The following SLC9A7 variants were observed in gnomAD, a reference collection of about 807,000 sequenced individuals.
SLC9A7 encodes the protein sodium/hydrogen exchanger 7.
A neutral mutation model predicts 52.6 loss-of-function variants in SLC9A7; 19 were observed. The ratio of observed to expected loss-of-function variants is 0.36; its 90% CI spans 0.25 to 0.53. The LOEUF (loss-of-function observed/expected upper bound fraction) is 0.53, where lower values mean the gene tolerates loss of function less well. Among genes scored for constraint, SLC9A7 ranks in the 20% least tolerant of loss-of-function variants. The pLI, the probability that SLC9A7 is intolerant of heterozygous loss-of-function variation, is 0.91. For synonymous variants in SLC9A7, 226 were observed against 252.1 expected, an observed-to-expected ratio of 0.90 and a Z score of 0.98; for missense variants, 455 against 597.9, an observed-to-expected ratio of 0.76 and a Z score of 2.49.
chrX:46,649,341 G>A (rs1054093673), intron 10 of SLC9A7, among the ~76,000 whole-genome samples: 7 of 112,383 alleles, frequency 6.2e-5, no homozygotes, highest in Non-Finnish European at 1.3e-4. Flanking sequence ...CTGCAAATAA[G>A]AGGTGGGGAA....
intron 5 of SLC9A7, among the ~76,000 whole-genome samples, chrX:46,663,475 CT>C (rs1223488583): frequency 9.5e-6 from 1 of 105,384 alleles, no homozygotes; most frequent in African/African-American, 3.5e-5. Flanking sequence ...CCCGTCTCTA[CT>C]AAAAATACAA....
intron 1 of SLC9A7, among the ~76,000 whole-genome samples, chrX:46,743,567 G>A (rs767327517): frequency 9.0e-6 from 1 of 111,275 alleles, no homozygotes; most frequent in Non-Finnish European, 1.9e-5. Context: ...GGAGAACTTA[G>A]GAAGCTCACA....
intron 1 of SLC9A7, among the ~76,000 whole-genome samples, chrX:46,720,226 A>G (rs1944837676): frequency 8.9e-6 from 1 of 111,949 alleles, no homozygotes; most frequent in African/African-American, 3.3e-5. Flanking sequence ...GACTTTCCTC[A>G]GAAACTAACT....
intron 1 of SLC9A7, among the ~76,000 whole-genome samples, chrX:46,690,354 T>C (rs1236965998): frequency 8.9e-6 from 1 of 112,580 alleles, no homozygotes; most frequent in East Asian, 2.8e-4. Context: ...TGAATATCTT[T>C]TTGTGTACTT....
intron 8 of SLC9A7, among the ~76,000 whole-genome samples, chrX:46,651,862 A>AG (rs1447295735): frequency 9.3e-6 from 1 of 107,377 alleles, no homozygotes; most frequent in African/African-American, 3.5e-5. Flanking sequence ...AAGAAAAAAA[A>AG]GAAAAAAAAG....
At chrX:46,674,834 C>T (rs747127957) in intron 3 of SLC9A7, among the ~76,000 whole-genome samples, 1 of 111,449 alleles carries the variant, frequency 9.0e-6, no homozygotes, top group Non-Finnish European at 1.9e-5. Context: ...ATGGCATGCC[C>T]TGGCAAAGTC....
At chrX:46,723,965 C>T (rs1217683544) in intron 1 of SLC9A7, among the ~76,000 whole-genome samples, 6 of 111,606 alleles carry the variant, frequency 5.4e-5, no homozygotes, top group African/African-American at 1.6e-4. Flanking sequence ...TGATGGCGCA[C>T]GCCTGTAGCC....
At chrX:46,616,339 C>CA (rs1293595980) in intron 15 of SLC9A7, among the ~76,000 whole-genome samples, 44 of 98,489 alleles carry the variant, frequency 4.5e-4, no homozygotes, top group African/African-American at 1.4e-3. Context: ...CCCACCCCCC[C>CA]AAAAAAAAAC....
chrX:46,632,614 T>C (rs1288924789), intron 13 of SLC9A7, among the ~76,000 whole-genome samples: 1 of 111,318 alleles, frequency 9.0e-6, no homozygotes, highest in Non-Finnish European at 1.9e-5. Flanking sequence ...GAATCCCCCT[T>C]GCCCCTGATA....
chrX:46,642,604 A>G lies in SLC9A7; in HGVS notation c.1616+632T>C, dbSNP rs144676419. Reference sequence around the variant, plus strand: ...TTATTTCCAGTGACCTCTTTACCATAAGATGCTGGAGCTCACAAACACAAT... The same window carrying G: ...TTATTTCCAGTGACCTCTTTACCATGAGATGCTGGAGCTCACAAACACAAT... On this transcript the variant is annotated intron_variant, in intron 12 of 16. Coordinates refer to ENST00000616978, the MANE Select transcript of SLC9A7 (RefSeq NM_001257291.2). 1.6e-3 allele frequency among the ~76,000 whole-genome samples: 175 copies of G among 111,963 alleles called. 1 individual carries two copies. The highest frequency in any genetic ancestry group is 5.5e-3 in the African/African-American group (168 of 30,787).
intron 13 of SLC9A7, among the ~76,000 whole-genome samples, chrX:46,633,517 CG>C (rs1308309385): frequency 9.1e-6 from 1 of 109,778 alleles, no homozygotes; most frequent in Non-Finnish European, 1.9e-5. Flanking sequence ...AAGGATGACA[CG>C]GGACCTTGTG....
intron 1 of SLC9A7, among the ~76,000 whole-genome samples, chrX:46,715,820 T>C (rs1944760536): frequency 8.9e-6 from 1 of 112,061 alleles, no homozygotes; most frequent in African/African-American, 3.2e-5. Flanking sequence ...TTAGATGATA[T>C]TGCCCAATTG....
rs150068956 is a variant in SLC9A7 at position 46,740,779 on chromosome X, G to A, written c.325+17926C>T. On this transcript the variant is annotated intron_variant, in intron 1 of 16. Transcript: ENST00000616978. ...GCCCTACCACTTCTAATTCAACACT[G>A]TACTAGAGGTTCTAACCAATGCAAT... Among the ~76,000 whole-genome samples, 111 of 109,831 alleles carry A rather than the reference G, an allele frequency of 1.0e-3. 4 individuals are homozygous for A. The East Asian group carries it at 0.014, about 14-fold the overall frequency.
intron 16 of SLC9A7, among the ~76,000 whole-genome samples, chrX:46,612,924 CAAAAAAAAAAAAAAAAAAAAAAA>C (rs57833520): frequency 1.4e-3 from 46 of 32,489 alleles, no homozygotes; most frequent in Admixed American, 4.0e-3. Context: ...GACTCCGTCT[CAAAAAAAAAAAAAAAAAAAAAAA>C]AAAAAAAAAA....
intron 1 of SLC9A7, among the ~76,000 whole-genome samples, chrX:46,695,711 C>G (rs987321838): frequency 1.1e-4 from 12 of 110,574 alleles, no homozygotes; most frequent in Admixed American, 1.9e-4. Flanking sequence ...GTCCAACTGT[C>G]AGCTCCATGG....
At chrX:46,668,964 G>A (rs749495359) in intron 5 of SLC9A7, among the ~76,000 whole-genome samples, 101 of 110,601 alleles carry the variant, frequency 9.1e-4, no homozygotes, top group African/African-American at 3.1e-3. Flanking sequence ...TCAGGAGATC[G>A]AGACCATCCT....
At chrX:46,756,040 GTTC>G (rs1556292161) in intron 1 of SLC9A7, among the ~76,000 whole-genome samples, 1 of 109,567 alleles carries the variant, frequency 9.1e-6, no homozygotes, top group East Asian at 2.8e-4. Context: ...TGTAAACGCT[GTTC>G]TTCTCAGATT....
At position 46,682,336 on chromosome X, in the gene SLC9A7, C is replaced by T. The variant is rs1377069489; in HGVS notation, c.525G>A (p.Lys175=). The T allele has an allele frequency of 8.3e-7, 1 of 1,210,409 alleles. No individual in the cohort carries two copies. Among genetic ancestry groups the T allele is most frequent in the East Asian group, 3.0e-5 (1 of 33,850 alleles). The change falls in exon 2 of 17, where the codon AAG becomes AAA. Residue 175 remains lysine, a splice_region_variant and synonymous_variant. Transcript: ENST00000616978. ...GGATGGCTGAGTGTCCCCAGCTCAC[C>T]TTCCGTAGCATATCATTCTGCTCTA... The part of the protein sequence containing the change: ...NSVEQNDMLR[K]VTFDPEVFFN...
chrX:46,726,211 A>G (rs1000932406), intron 1 of SLC9A7, among the ~76,000 whole-genome samples: 1 of 111,152 alleles, frequency 9.0e-6, no homozygotes, highest in African/African-American at 3.3e-5. Context: ...CCATGATCAC[A>G]CCAGTGCACT....
Sources: allele counts gnomAD v4.1 joint callset (sites outside exome capture counted in the v4.1 genomes callset), GRCh38; gene constraint gnomAD v4.1.1; transcripts MANE v1.5; gene names NCBI Gene and HGNC (gene_info 2026-07-23, HGNC 2026-07-21).